Variants in TRIM62 observed in about 807,000 individuals in gnomAD.
The protein encoded by TRIM62 is tripartite motif containing 62.
Under a neutral mutation model 44.2 loss-of-function variants are expected in TRIM62, and 39 were observed. The ratio of observed to expected loss-of-function variants is 0.88; its 90% CI spans 0.68 to 1.15. TRIM62 has a LOEUF of 1.15. TRIM62 is among the 50% of genes most tolerant of loss of function. The probability of loss-of-function intolerance (pLI) is 0.00; values close to 1 mark genes in which losing one functional copy is unlikely to be tolerated. For synonymous variants in TRIM62, 278 were observed against 292.3 expected (o/e 0.95, Z 0.50); for missense variants, 544 against 665.5 (o/e 0.82, Z 2.01).
rs1570344157 is a variant in TRIM62 at position 33,181,771 on chromosome 1, T to G, written c.-339A>C. ...CGGGGCAGTCCTAAGGGATAGGAGC[T>G]GGGAGAAGGGGATCCCGGAGCGGGG... On this transcript the variant is annotated 5_prime_UTR_variant, in exon 1 of 5. Coordinates refer to ENST00000291416, the MANE Select transcript of TRIM62 (RefSeq NM_018207.3). The surrounding 1 kb of genome is among the most constrained non-coding windows in gnomAD (Gnocchi z 6.5). The G allele has an allele frequency of 7.8e-6, 1 of 127,972 alleles. No homozygotes were observed. Among genetic ancestry groups the G allele is most frequent in the Non-Finnish European group, 1.4e-5 (1 of 71,060 alleles). The allele number at this position is 127,972 out of a possible 1,614,324, so 7.9% of individuals were successfully genotyped here.
chr1:33,168,774 GGGACACAGTGT>G lies in TRIM62; in HGVS notation c.409-3219_409-3209del, dbSNP rs570731715. On this transcript the variant is annotated intron_variant, in intron 1 of 4. Transcript: ENST00000291416. ...CTGACAGCCTTGGGCTATCCAGCCT[GGGACACAGTGT>G]GGCTGAGAGGCAGATGTTGAGGAGA... 1.6e-3 allele frequency among the ~76,000 whole-genome samples: 242 copies of G among 152,324 alleles called. 1 individual carries two copies. The highest frequency in any genetic ancestry group is 5.7e-3 in the African/African-American group (235 of 41,568).
chr1:33,165,001 A>G lies in TRIM62; in HGVS notation c.504+470T>C, dbSNP rs1288786644. The G allele has an allele frequency of 1.4e-5, 2 of 148,108 alleles. No homozygotes were observed. Among genetic ancestry groups the G allele is most frequent in the African/African-American group, 2.5e-5 (1 of 39,654 alleles). The allele number at this position is 148,108 out of a possible 1,614,324, so 9.2% of individuals were successfully genotyped here. On this transcript the variant is annotated intron_variant, in intron 2 of 4. Transcript: ENST00000291416. The surrounding 1 kb of genome is among the most constrained non-coding windows in gnomAD (Gnocchi z 4.0). ...GAGAAGGCATCTCGTTATATTGGCC[A>G]GGCTGGTCTCAAACTCCTGGGCTCA...
At chr1:33,172,224 A>G (rs981350105) in intron 1 of TRIM62, among the ~76,000 whole-genome samples, 1 of 152,226 alleles carries the variant, frequency 6.6e-6, no homozygotes, top group African/African-American at 2.4e-5. Flanking sequence ...AACTATATGT[A>G]AAGTTGGGAC....
In TRIM62 at chr1:33,146,808, T is replaced by G; in HGVS notation, c.*369A>C. The G allele has an allele frequency of 3.4e-6, 1 of 295,784 alleles. No homozygotes were observed. The allele number at this position is 295,784 out of a possible 1,614,324, so 18.3% of individuals were successfully genotyped here. ...GCTGTGTGTCTTTCGGGCTGCCAACTACTGGCCATGCTCTGACACTTCCTG... is the reference window on the plus strand; with the variant it reads ...GCTGTGTGTCTTTCGGGCTGCCAACGACTGGCCATGCTCTGACACTTCCTG... On this transcript the variant is annotated 3_prime_UTR_variant, in exon 5 of 5. Transcript: ENST00000291416.
chr1:33,179,397 G>T (rs1313428698), intron 1 of TRIM62, among the ~76,000 whole-genome samples: 1 of 152,202 alleles, frequency 6.6e-6, no homozygotes, highest in East Asian at 1.9e-4. Flanking sequence ...CATCTGCTGG[G>T]TGCAGGCCTA....
rs963028479 is a variant in TRIM62, at chr1:33,177,066, T to C, written c.408+3959A>G. 1.6e-5 allele frequency among the ~76,000 whole-genome samples: 1 copy of C among 62,902 alleles called. No individual in the cohort carries two copies. Among genetic ancestry groups the C allele is most frequent in the Non-Finnish European group, 3.6e-5 (1 of 27,734 alleles). The allele number at this position is 62,902 out of a possible 152,430, so 41.3% of individuals were successfully genotyped here. A position where few individuals can be genotyped will look rare whatever the true frequency, so the allele number is the denominator to read the frequency against. The stretch of plus-strand genomic sequence containing the variant: ...ACACACACACGCACACACACACACA[T>C]GCACACACACACATGCATGCACAAA... On this transcript the variant is annotated intron_variant, in intron 1 of 4. Coordinates refer to ENST00000291416, the MANE Select transcript of TRIM62 (RefSeq NM_018207.3). The surrounding 1 kb of genome is among the most constrained non-coding windows in gnomAD (Gnocchi z 4.1).
intron 1 of TRIM62, among the ~76,000 whole-genome samples, chr1:33,178,429 A>G (rs1158642368): frequency 6.6e-6 from 1 of 152,188 alleles, no homozygotes; most frequent in Non-Finnish European, 1.5e-5. Context: ...TCTGCCACCA[A>G]ATTGCCAAGC....
At chr1:33,148,843 T>C (rs1297646869) in intron 4 of TRIM62, among the ~76,000 whole-genome samples, 2 of 152,218 alleles carry the variant, frequency 1.3e-5, no homozygotes, top group Non-Finnish European at 2.9e-5. Flanking sequence ...ATTTGACAGA[T>C]GAGGAAACTG....
At chr1:33,154,717 G>C (rs935450722) in intron 4 of TRIM62, among the ~76,000 whole-genome samples, 7 of 151,390 alleles carry the variant, frequency 4.6e-5, no homozygotes, top group Non-Finnish European at 8.8e-5. Flanking sequence ...AAAATCGCCT[G>C]AACCCAGGAG....
At chr1:33,172,243 G>C (rs937364625) in intron 1 of TRIM62, among the ~76,000 whole-genome samples, 2 of 152,202 alleles carry the variant, frequency 1.3e-5, no homozygotes, top group Admixed American at 1.3e-4. Flanking sequence ...ACTCAGAACG[G>C]GGGGAGCTTC....
At chr1:33,150,963 T>G (rs1645088386) in intron 4 of TRIM62, among the ~76,000 whole-genome samples, 1 of 151,968 alleles carries the variant, frequency 6.6e-6, no homozygotes, top group South Asian at 2.1e-4. Context: ...CCTGGGTGAT[T>G]TGAGACCAGC....
In TRIM62 at chr1:33,159,547, G is replaced by T; in HGVS notation, c.761+141C>A. ...TCAAGGCTTCATGCTCCTACCCATAGCAGATGTCCCGTAAATGTTTGATGA... is the reference window on the plus strand; with the variant it reads ...TCAAGGCTTCATGCTCCTACCCATATCAGATGTCCCGTAAATGTTTGATGA... On this transcript the variant is annotated intron_variant, in intron 3 of 4. Transcript: ENST00000291416. The surrounding 1 kb of genome is among the most constrained non-coding windows in gnomAD (Gnocchi z 4.2). 1 of 1,252,220 alleles carries T rather than the reference G, an allele frequency of 8.0e-7. No homozygotes were observed. The highest frequency in any genetic ancestry group is 1.5e-5 in the African/African-American group (1 of 66,572). 77.6% of individuals were successfully genotyped at this position (1,252,220 alleles called of 1,614,324 possible).
intron 1 of TRIM62, among the ~76,000 whole-genome samples, chr1:33,173,580 A>C (rs569078326): frequency 6.6e-6 from 1 of 151,476 alleles, no homozygotes; most frequent in East Asian, 1.9e-4. Flanking sequence ...ATGTGTGCTC[A>C]CCTCCATGCC....
rs1645030900 is a variant in TRIM62 at position 33,147,174 on chromosome 1, G to A, written c.*3C>T. The A allele has an allele frequency of 1.2e-6, 2 of 1,612,740 alleles. No individual in the cohort carries two copies. The highest frequency in any genetic ancestry group is 2.2e-5 in the East Asian group (1 of 44,870). ...AGGAGGTTGTGGTCTCCTTCTGCCT[G>A]GACTAGATGCGGACGGTGTTGATCC... On this transcript the variant is annotated 3_prime_UTR_variant, in exon 5 of 5. Transcript: ENST00000291416. This position sits in a 1 kb window ranked among gnomAD's most constrained non-coding sequence, Gnocchi z 8.1.
chr1:33,146,805 A>G lies in TRIM62; in HGVS notation c.*372T>C, dbSNP rs1645026452. 6.9e-6 allele frequency: 2 copies of G among 288,460 alleles called. No homozygotes were observed. Among genetic ancestry groups the G allele is most frequent in the Non-Finnish European group, 1.3e-5 (2 of 150,570 alleles). 17.9% of individuals were successfully genotyped at this position (288,460 alleles called of 1,614,324 possible). On this transcript the variant is annotated 3_prime_UTR_variant, in exon 5 of 5. Transcript: ENST00000291416. ...GGTGCTGTGTGTCTTTCGGGCTGCC[A>G]ACTACTGGCCATGCTCTGACACTTC... is the stretch of plus-strand genomic sequence containing the variant.
Position 33,147,660 on chromosome 1 carries a change from G to A in TRIM62, c.945C>T (p.Thr315=). Residue 315 remains threonine (T), a synonymous_variant, in exon 5 of 5, where the codon ACC becomes ACT. Transcript: ENST00000291416. This position sits in a 1 kb window ranked among gnomAD's most constrained non-coding sequence, Gnocchi z 8.1. ...GGTGCAAGTTGCCGTAAGCCACAAT[G>A]GTGCAGTCGTCCGACAGGATCAGGC... ...HQRLILSDDC[T]IVAYGNLHPQ... 1 of 1,613,932 alleles carries A rather than the reference G, an allele frequency of 6.2e-7. No individual in the cohort carries two copies. The highest frequency in any genetic ancestry group is 8.5e-7 in the Non-Finnish European group (1 of 1,180,044).
chr1:33,168,664 C>T (rs1160702544), intron 1 of TRIM62, among the ~76,000 whole-genome samples: 3 of 152,202 alleles, frequency 2.0e-5, no homozygotes, highest in Non-Finnish European at 4.4e-5. Context: ...TCCTAACATT[C>T]GTGTGCAGCT....
rs993867311 is a variant in TRIM62, at chr1:33,176,433, A to G, written c.408+4592T>C. The G allele has an allele frequency of 5.7e-6, 4 of 698,156 alleles. No individual in the cohort carries two copies. The African/African-American group carries it at 7.0e-5, about 12-fold the overall frequency. The allele number at this position is 698,156 out of a possible 1,614,324, so 43.2% of individuals were successfully genotyped here. On this transcript the variant is annotated intron_variant, in intron 1 of 4. Coordinates refer to ENST00000291416, the MANE Select transcript of TRIM62 (RefSeq NM_018207.3). ...CAGGGCTTGCGTCCAAGGCTGATCC[A>G]CTGCTGTCTTCTCTGGCATGAAGGA...
intron 1 of TRIM62, among the ~76,000 whole-genome samples, chr1:33,173,689 T>C (rs1645392181): frequency 1.3e-5 from 2 of 151,668 alleles, no homozygotes; most frequent in Non-Finnish European, 2.9e-5. Context: ...TTTTTTTTTT[T>C]TTTCCCTAAT....
Sources: allele counts gnomAD v4.1 joint callset (sites outside exome capture counted in the v4.1 genomes callset), GRCh38; gene constraint gnomAD v4.1.1; non-coding constraint Gnocchi (gnomAD v3.1); transcripts MANE v1.5; gene names NCBI Gene and HGNC (gene_info 2026-07-23, HGNC 2026-07-21).